Variants in TAS2R1 observed in about 807,000 individuals in gnomAD.
TAS2R1 encodes taste receptor type 2 member 1.
For missense variants in TAS2R1, 370 were observed against 353.4 expected (o/e 1.05, Z -0.38); for synonymous variants, 141 against 134.2 (o/e 1.05, Z -0.35).
the TAS2R1 span, among the ~76,000 whole-genome samples, chr5:9,796,518 A>C: frequency 6.6e-6 from 1 of 152,102 alleles, no homozygotes; most frequent in African/African-American, 2.4e-5. Flanking sequence ...AAATTCCTGC[A>C]TCCTGGGAAA....
chr5:9,636,057 C>T (rs2106689), intron 2 of TAS2R1, among the ~76,000 whole-genome samples: 20,204 of 151,848 alleles, frequency 0.13, 1,561 homozygotes, highest in South Asian at 0.18. Flanking sequence ...TTCAGACTTT[C>T]TGATGTAGGT....
chr5:9,692,239 T>A (rs1197541449), intron 1 of TAS2R1, among the ~76,000 whole-genome samples: 3 of 152,164 alleles, frequency 2.0e-5, no homozygotes, highest in Non-Finnish European at 4.4e-5. Context: ...GGCTAGTAGT[T>A]CAGAGGCCAA....
At chr5:9,805,877 G>C in the TAS2R1 span, among the ~76,000 whole-genome samples, 8 of 152,106 alleles carry the variant, frequency 5.3e-5, no homozygotes, top group Non-Finnish European at 1.0e-4. Context: ...ATTCAACACA[G>C]TACTGGAAGT....
chr5:9,899,822 A>G, the TAS2R1 span, among the ~76,000 whole-genome samples: 2 of 152,130 alleles, frequency 1.3e-5, no homozygotes, highest in African/African-American at 2.4e-5. Context: ...CCTCTATTTG[A>G]GCAACAAAGT....
intron 1 of TAS2R1, among the ~76,000 whole-genome samples, chr5:9,693,438 C>T (rs564626359): frequency 1.5e-4 from 22 of 146,370 alleles, no homozygotes; most frequent in Non-Finnish European, 2.4e-4. Flanking sequence ...GGAGGAGAAT[C>T]GCTTGAACCT....
chr5:9,743,868 TA>T, the TAS2R1 span, among the ~76,000 whole-genome samples: 1 of 152,212 alleles, frequency 6.6e-6, no homozygotes, highest in Non-Finnish European at 1.5e-5. Context: ...AAATGATTTT[TA>T]AAAACACAAT....
chr5:9,767,745 T>C, the TAS2R1 span, among the ~76,000 whole-genome samples: 1 of 151,918 alleles, frequency 6.6e-6, no homozygotes, highest in Non-Finnish European at 1.5e-5. Flanking sequence ...GCCAACATGG[T>C]GAAACCCTGT....
At chr5:9,852,475 T>TCC in the TAS2R1 span, among the ~76,000 whole-genome samples, 1 of 152,132 alleles carries the variant, frequency 6.6e-6, no homozygotes, top group Non-Finnish European at 1.5e-5. Context: ...TGCAATTTGC[T>TCC]CCCCCTTTCT....
chr5:9,712,053 A>AGGGG (rs1734692637), intron 1 of TAS2R1: 1 of 28,452 alleles, frequency 3.5e-5, no homozygotes, highest in Non-Finnish European at 7.4e-5. Context: ...GGAGGGAGGG[A>AGGGG]GGGAGGGAAT....
At chr5:9,702,799 G>A (rs1327069823) in intron 1 of TAS2R1, among the ~76,000 whole-genome samples, 1 of 152,074 alleles carries the variant, frequency 6.6e-6, no homozygotes, top group Non-Finnish European at 1.5e-5. Context: ...GACTGGTGGA[G>A]AGAAAGAGAG....
rs552083742 is a variant in TAS2R1 at position 9,643,134 on chromosome 5, G to A, written c.-80-13142C>T. Reference sequence around the variant, plus strand: ...CTGTTCTAAGCACACAGCATTTACAGCCATGCACTGCTTAATCACAGGGAT... The same window carrying A: ...CTGTTCTAAGCACACAGCATTTACAACCATGCACTGCTTAATCACAGGGAT... On this transcript the variant is annotated intron_variant, in intron 2 of 2. Coordinates refer to the TAS2R1 transcript ENST00000506620. Among the ~76,000 whole-genome samples, 6 of 152,150 alleles carry A rather than the reference G, an allele frequency of 3.9e-5. No individual in the cohort carries two copies. The South Asian group carries it at 1.0e-3, about 26-fold the overall frequency.
the TAS2R1 span, among the ~76,000 whole-genome samples, chr5:9,902,251 C>T: frequency 6.6e-6 from 1 of 151,978 alleles, no homozygotes; most frequent in South Asian, 2.1e-4. Flanking sequence ...TAACAGTATG[C>T]TATTGAGGCA....
intron 1 of TAS2R1, among the ~76,000 whole-genome samples, chr5:9,674,721 G>C (rs2126505415): frequency 6.6e-6 from 1 of 152,028 alleles, no homozygotes; most frequent in African/African-American, 2.4e-5. Flanking sequence ...TTCTTAATTA[G>C]ACTACTATCT....
the TAS2R1 span, among the ~76,000 whole-genome samples, chr5:9,806,366 AC>A: frequency 6.6e-6 from 1 of 152,070 alleles, no homozygotes. Flanking sequence ...TCAAAATATC[AC>A]CATCATTCTT....
chr5:9,671,984 C>A (rs1740776282), intron 1 of TAS2R1, among the ~76,000 whole-genome samples: 1 of 151,970 alleles, frequency 6.6e-6, no homozygotes, highest in Admixed American at 6.6e-5. Context: ...AGAAATAATA[C>A]CTCACACCTA....
the TAS2R1 span, among the ~76,000 whole-genome samples, chr5:9,861,861 A>G: frequency 6.6e-6 from 1 of 152,292 alleles, no homozygotes; most frequent in African/African-American, 2.4e-5. Context: ...CAAAATACTC[A>G]CTGGGTCACA....
chr5:9,725,895 G>C, the TAS2R1 span, among the ~76,000 whole-genome samples: 3,162 of 150,462 alleles, frequency 0.021, 105 homozygotes, highest in African/African-American at 0.072. Context: ...TGCACCAGTG[G>C]ACACTCTGTA....
chr5:9,704,143 T>A (rs1298861941), intron 1 of TAS2R1, among the ~76,000 whole-genome samples: 2 of 152,196 alleles, frequency 1.3e-5, no homozygotes, highest in Non-Finnish European at 2.9e-5. Context: ...GTGCAGCGAT[T>A]CCCCTATCAC....
At chr5:9,825,809 T>C in the TAS2R1 span, among the ~76,000 whole-genome samples, 2 of 152,352 alleles carry the variant, frequency 1.3e-5, no homozygotes, top group Admixed American at 1.3e-4. Context: ...TGGGAGCACT[T>C]TCAAGCTTAA....
Sources: allele counts gnomAD v4.1 joint callset (sites outside exome capture counted in the v4.1 genomes callset), GRCh38; gene constraint gnomAD v4.1.1; transcripts MANE v1.5; gene names NCBI Gene and HGNC (gene_info 2026-07-23, HGNC 2026-07-21).